The following PRC1 variants were observed in gnomAD, a reference collection of about 807,000 sequenced individuals.
The protein encoded by PRC1 is anaphase spindle elongation 1 homolog.
PRC1 carries 54 observed loss-of-function variants against 91.2 expected under a neutral mutation model. The observed-to-expected ratio is 0.59, with a 90% confidence interval of 0.48 to 0.74. The LOEUF (loss-of-function observed/expected upper bound fraction) is 0.74. Among genes scored for constraint, PRC1 ranks in the 30% least tolerant of loss-of-function variants. The pLI, the probability that PRC1 is intolerant of heterozygous loss-of-function variation, is 0.00. For synonymous variants in PRC1, 275 were observed against 263.6 expected, an observed-to-expected ratio of 1.04 and a Z score of -0.42; for missense variants, 727 against 746.2, an observed-to-expected ratio of 0.97 and a Z score of 0.30.
At chr15:90,990,110 G>A (rs934712869) in intron 1 of PRC1, among the ~76,000 whole-genome samples, 2 of 152,048 alleles carry the variant, frequency 1.3e-5, no homozygotes, top group African/African-American at 4.8e-5. Context: ...TGCCAAGACC[G>A]GCGGATCACG....
In PRC1 at chr15:90,974,140, C is replaced by A. The variant is rs566031143; in HGVS notation, c.1457G>T (p.Arg486Leu). 24 of 1,613,360 alleles carry A rather than the reference C, an allele frequency of 1.5e-5. No homozygotes were observed. In the East Asian group the frequency reaches 5.1e-4, roughly 34 times the overall value. Residue 486 changes from arginine (R) to leucine (L), a missense_variant, in exon 11 of 15, where the codon CGT (arginine) becomes CTT (leucine). Physicochemically the swap from Arg to Leu is moderately radical, Grantham distance 102. Transcript: ENST00000394249. The surrounding 1 kb of genome is among the most constrained non-coding windows in gnomAD (Gnocchi z 4.6). ...TTCCCTAAGCCTTGTGTTTACCTTA[C>A]GTGCTTTGCCCGGTGTATTGGGAGC... ...GLAPNTPGKA[R>L]KLNTTTMSNA...
intron 1 of PRC1, among the ~76,000 whole-genome samples, chr15:90,989,411 A>G (rs889211224): frequency 1.7e-5 from 2 of 117,318 alleles, no homozygotes. Flanking sequence ...GTGCTTGGCT[A>G]ATTTTTTTTT....
Position 90,979,220 on chromosome 15 carries a change from T to C in PRC1, c.1045A>G (p.Lys349Glu). ...TTCTGGACACCTTCAAAGAGTTCCT[T>C]GTGAACTTCATAGTAGTTTTTTAAC... Reference protein sequence around the residue: ...VRLKNYYEVHKELFEGVQKWE... With the variant: ...VRLKNYYEVHEELFEGVQKWE... Residue 349 changes from lysine to glutamate, a missense_variant, in exon 8 of 15, where the codon AAG becomes GAG. By Grantham distance (56) the Lys-to-Glu change is moderately conservative. Coordinates refer to ENST00000394249, the MANE Select transcript of PRC1 (RefSeq NM_003981.4). 6.2e-7 allele frequency: 1 copy of C among 1,614,230 alleles called. No homozygotes were observed. The highest frequency in any genetic ancestry group is 8.5e-7 in the Non-Finnish European group (1 of 1,180,028).
rs754289645 is a variant in PRC1, at chr15:90,974,511, C to T, written c.1350+74G>A. 1 of 1,586,686 alleles carries T rather than the reference C, an allele frequency of 6.3e-7. No individual in the cohort carries two copies. The highest frequency in any genetic ancestry group is 1.3e-5 in the African/African-American group (1 of 74,332). ...GGCTCCCTGTTCCACAAACCCTGGT[C>T]CCCGGCAGAGACTATGGGCTGCTCA... is the stretch of plus-strand genomic sequence containing the variant. On this transcript the variant is annotated intron_variant, in intron 10 of 14. Transcript: ENST00000394249. The surrounding 1 kb of genome is among the most constrained non-coding windows in gnomAD (Gnocchi z 4.6).
At chr15:90,968,760 T>C (rs542837408) in intron 14 of PRC1, 156 of 1,168,912 alleles carry the variant, frequency 1.3e-4, no homozygotes, top group South Asian at 5.5e-4. Context: ...CCCCATGTGA[T>C]TGGGGGCCTC....
intron 1 of PRC1, 85 bp downstream of exon 1, chr15:90,994,322 C>T: frequency 1.3e-6 from 2 of 1,588,426 alleles, no homozygotes; most frequent in Non-Finnish European, 1.7e-6. Flanking sequence ...GGACCCCGCA[C>T]GGGTCCCGCA....
chr15:90,978,753 CAAAA>C (rs869065052), intron 8 of PRC1, among the ~76,000 whole-genome samples: 1 of 39,708 alleles, frequency 2.5e-5, no homozygotes, highest in Non-Finnish European at 4.4e-5. Flanking sequence ...AACTCCACCT[CAAAA>C]AAAAAAAAAA....
At chr15:90,980,193 A>G in intron 7 of PRC1, 49 bp downstream of exon 7, 1 of 1,537,600 alleles carries the variant, frequency 6.5e-7, no homozygotes, top group Non-Finnish European at 8.7e-7. Flanking sequence ...GCAACAGAGT[A>G]AGACCTGTCT....
chr15:90,967,302 TA>T, intron 14 of PRC1, 100 bp from the exon 15 acceptor site: 1 of 981,090 alleles, frequency 1.0e-6, no homozygotes, highest in South Asian at 1.3e-5. Context: ...CCCTTGAAGG[TA>T]GTTTCTCTGA....
chr15:90,978,048 T>C (rs2038881368), intron 8 of PRC1, among the ~76,000 whole-genome samples: 1 of 152,236 alleles, frequency 6.6e-6, no homozygotes, highest in Admixed American at 6.5e-5. Context: ...ATTCAGATTC[T>C]CTGAAGGCCC....
At chr15:90,978,479 T>C (rs1018746385) in intron 8 of PRC1, among the ~76,000 whole-genome samples, 7 of 151,980 alleles carry the variant, frequency 4.6e-5, no homozygotes, top group African/African-American at 1.5e-4. Flanking sequence ...AGGCCAGGCG[T>C]GGTGGCTCAC....
In PRC1 at chr15:90,981,939, G is replaced by A. The variant is rs780228383; in HGVS notation, c.310C>T (p.Arg104Cys). 5.0e-6 allele frequency: 8 copies of A among 1,614,120 alleles called. No individual in the cohort carries two copies. Among genetic ancestry groups the A allele is most frequent in the East Asian group, 2.2e-5 (1 of 44,886 alleles). ...TTILQLEKDL[R>C]TQVELMRKQK... ...TTTCGCATCAATTCCACTTGGGTGC[G>A]CAAATCTTTTTCTAGTTGCAAGATG... Residue 104 changes from arginine (R) to cysteine (C), a missense_variant, in exon 4 of 15, where the codon CGC becomes TGC. Arg to Cys is a radical substitution (Grantham distance 180). Coordinates refer to ENST00000394249, the MANE Select transcript of PRC1 (RefSeq NM_003981.4).
intron 1 of PRC1, among the ~76,000 whole-genome samples, chr15:90,990,741 A>G (rs756345018): frequency 2.4e-4 from 36 of 152,158 alleles, no homozygotes; most frequent in Admixed American, 7.2e-4. Flanking sequence ...CTGTTATTAA[A>G]AACATCTTGG....
At position 90,966,979 on chromosome 15, in the gene PRC1, C is replaced by A; in HGVS notation, c.*152G>T. The A allele has an allele frequency of 1.5e-6, 1 of 671,968 alleles. No individual in the cohort carries two copies. The highest frequency in any genetic ancestry group is 2.7e-5 in the Admixed American group (1 of 37,494). 41.6% of individuals were successfully genotyped at this position (671,968 alleles called of 1,614,324 possible). A position where few individuals can be genotyped will look rare whatever the true frequency, so the allele number is the denominator to read the frequency against. On this transcript the variant is annotated 3_prime_UTR_variant, in exon 15 of 15. Coordinates refer to ENST00000394249, the MANE Select transcript of PRC1 (RefSeq NM_003981.4). The stretch of plus-strand genomic sequence containing the variant: ...ACCTATGATGGGCTTTCAACTGTAA[C>A]ACTCATTCACATCTTTAAGTTAGGC...
chr15:90,968,196 GAA>G (rs1468075764), intron 14 of PRC1: 6 of 985,250 alleles, frequency 6.1e-6, no homozygotes, highest in Non-Finnish European at 7.2e-6. Flanking sequence ...TTGAACAAGC[GAA>G]AAAGAGAAAG....
chr15:90,967,760 A>C, intron 14 of PRC1: 1 of 882,436 alleles, frequency 1.1e-6, no homozygotes, highest in Non-Finnish European at 1.4e-6. Context: ...TAGGACTGTT[A>C]AGTACACTCT....
intron 14 of PRC1, chr15:90,967,973 A>C: frequency 1.0e-6 from 1 of 985,264 alleles, no homozygotes; most frequent in East Asian, 1.1e-4. Context: ...CCTGCTGGTG[A>C]TTTGATCTCA....
At position 90,984,146 on chromosome 15, in the gene PRC1, A is replaced by G. The variant is rs950267605; in HGVS notation, c.145-6T>C. On this transcript the variant is annotated splice_region_variant and splice_polypyrimidine_tract_variant and intron_variant, in intron 2 of 14. Coordinates refer to ENST00000394249, the MANE Select transcript of PRC1 (RefSeq NM_003981.4). The surrounding 1 kb of genome is among the most constrained non-coding windows in gnomAD (Gnocchi z 5.1). ...ATCATCATATCCAGGAGTTCCTACA[A>G]GAGGGAAAACAGTCCATAAGTTTGG... 4.3e-6 allele frequency: 7 copies of G among 1,614,032 alleles called. No individual in the cohort carries two copies. The highest frequency in any genetic ancestry group is 5.9e-6 in the Non-Finnish European group (7 of 1,179,950).
chr15:90,989,734 A>G (rs930880783), intron 1 of PRC1, among the ~76,000 whole-genome samples: 7 of 152,330 alleles, frequency 4.6e-5, no homozygotes, highest in Admixed American at 4.6e-4. Context: ...TGTAGTATAT[A>G]GGCATACAAT....
Sources: allele counts gnomAD v4.1 joint callset (sites outside exome capture counted in the v4.1 genomes callset), GRCh38; gene constraint gnomAD v4.1.1; non-coding constraint Gnocchi (gnomAD v3.1); transcripts MANE v1.5; gene names NCBI Gene and HGNC (gene_info 2026-07-23, HGNC 2026-07-21).